FHOD3: variants seen among roughly 807,000 people sequenced by gnomAD.
FHOD3 encodes the protein formin homology 2 domain containing 3.
FHOD3 carries 90 observed loss-of-function variants against 173.0 expected under a neutral mutation model. That is an observed-to-expected ratio of 0.52 (90% CI 0.44 to 0.62). The LOEUF (loss-of-function observed/expected upper bound fraction) is 0.62. FHOD3 is among the 20% of genes least tolerant of loss of function. FHOD3 has a pLI of 0.00. For missense variants in FHOD3, 1,945 were observed against 2,034.7 expected (o/e 0.96, Z 0.85); for synonymous variants, 828 against 823.0 (o/e 1.01, Z -0.10).
At chr18:36,362,220 G>A (rs1024759142) in intron 2 of FHOD3, among the ~76,000 whole-genome samples, 27 of 152,290 alleles carry the variant, frequency 1.8e-4, no homozygotes, top group Admixed American at 5.9e-4. Context: ...GGGGGGACAA[G>A]CAGGGAGTGG....
intron 3 of FHOD3, among the ~76,000 whole-genome samples, chr18:36,476,561 G>T (rs547153316): frequency 6.6e-6 from 1 of 152,136 alleles, no homozygotes; most frequent in Non-Finnish European, 1.5e-5. Flanking sequence ...GTCAGGAAAG[G>T]GCCGTAGGAT....
At chr18:36,747,229 TTTTTTGTACATTC>T in intron 24 of FHOD3, 94 bp downstream of exon 24, 2 of 988,500 alleles carry the variant, frequency 2.0e-6, no homozygotes, top group Non-Finnish European at 2.9e-6. Context: ...AATTTACAGA[TTTTTTGTACATTC>T]TTGGTACATA....
In FHOD3 at chr18:36,680,653, T is replaced by C. The variant is rs1293564121; in HGVS notation, c.1836-783T>C. ...CTCTCCAAGGCTTTCACACACATTTTCAGTGAACAGTCCAGACTCTTGTGT... is the reference window on the plus strand; with the variant it reads ...CTCTCCAAGGCTTTCACACACATTTCCAGTGAACAGTCCAGACTCTTGTGT... On this transcript the variant is annotated intron_variant, in intron 14 of 28. Coordinates refer to ENST00000590592, the MANE Select transcript of FHOD3 (RefSeq NM_001281740.3). Among the ~76,000 whole-genome samples, 7 of 152,380 alleles carry C rather than the reference T, an allele frequency of 4.6e-5. No individual in the cohort carries two copies. In the East Asian group the frequency reaches 1.3e-3, roughly 29 times the overall value.
At chr18:36,439,565 G>GTA (rs1555705342) in intron 3 of FHOD3, among the ~76,000 whole-genome samples, 25 of 112,204 alleles carry the variant, frequency 2.2e-4, no homozygotes, top group African/African-American at 7.4e-4. Flanking sequence ...GTGTGTGTGT[G>GTA]TGTATGTATG....
intron 5 of FHOD3, among the ~76,000 whole-genome samples, chr18:36,514,773 C>T (rs2055869745): frequency 6.6e-6 from 1 of 152,118 alleles, no homozygotes; most frequent in Non-Finnish European, 1.5e-5. Flanking sequence ...ACCTCCAAGC[C>T]CAGGCGAGGG....
Position 36,718,889 on chromosome 18 carries a change from A to G in FHOD3, c.3417+174A>G, listed in dbSNP as rs968725638. On this transcript the variant is annotated intron_variant, in intron 19 of 28. Transcript: ENST00000590592. The stretch of plus-strand genomic sequence containing the variant: ...CTGCCACATGCTAGGTGTAGGCTAC[A>G]TGAGTCAGAGACCCTTATTAGCTAA... 2.6e-5 allele frequency among the ~76,000 whole-genome samples: 4 copies of G among 152,224 alleles called. No individual in the cohort carries two copies. In the East Asian group the frequency reaches 5.8e-4, roughly 22 times the overall value.
intron 27 of FHOD3, among the ~76,000 whole-genome samples, chr18:36,763,273 C>G (rs922313424): frequency 2.1e-5 from 3 of 142,636 alleles, no homozygotes; most frequent in Non-Finnish European, 3.0e-5. Flanking sequence ...GCGTATTATA[C>G]ACGTTATATA....
In FHOD3 at chr18:36,482,852, CACACACAGAGAGAGAGAG is replaced by C. The variant is rs1325658705; in HGVS notation, c.338-19078_338-19061del. On this transcript the variant is annotated intron_variant, in intron 3 of 28. Coordinates refer to ENST00000590592, the MANE Select transcript of FHOD3 (RefSeq NM_001281740.3). ...ACACACACACACACACACACTCACA[CACACACAGAGAGAGAGAG>C]AGAGAGAGAGAGAGAGAGAGAGAGA... Among the ~76,000 whole-genome samples, 11 of 101,234 alleles carry C rather than the reference CACACACAGAGAGAGAGAG, an allele frequency of 1.1e-4. No individual in the cohort carries two copies. In the South Asian group the frequency reaches 1.4e-3, roughly 13 times the overall value. The allele number at this position is 101,234 out of a possible 152,430, so 66.4% of individuals were successfully genotyped here.
intron 18 of FHOD3, among the ~76,000 whole-genome samples, chr18:36,713,098 C>T (rs1018271315): frequency 3.3e-5 from 5 of 152,158 alleles, no homozygotes; most frequent in African/African-American, 1.2e-4. Context: ...CCTAACAGAC[C>T]TATCCTCAAA....
intron 3 of FHOD3, among the ~76,000 whole-genome samples, chr18:36,441,433 C>T (rs905836575): frequency 6.6e-5 from 10 of 152,092 alleles, no homozygotes; most frequent in African/African-American, 1.7e-4. Flanking sequence ...AGGATGAGGA[C>T]GAGGCTGAAG....
intron 3 of FHOD3, among the ~76,000 whole-genome samples, chr18:36,414,126 CACT>C (rs1051751486): frequency 6.6e-6 from 1 of 152,174 alleles, no homozygotes; most frequent in Non-Finnish European, 1.5e-5. Context: ...TTATTTGGCA[CACT>C]AGGCAGTTGC....
chr18:36,472,874 A>AAGGGG (rs2053362176), intron 3 of FHOD3, among the ~76,000 whole-genome samples: 1 of 152,158 alleles, frequency 6.6e-6, no homozygotes, highest in African/African-American at 2.4e-5. Flanking sequence ...GTGAACATTG[A>AAGGGG]AGGGGCATAA....
chr18:36,576,242 G>A (rs573617011), intron 5 of FHOD3, among the ~76,000 whole-genome samples: 1 of 152,276 alleles, frequency 6.6e-6, no homozygotes, highest in South Asian at 2.1e-4. Flanking sequence ...TCTTCCGGGA[G>A]CCTGGAATAG....
chr18:36,328,998 T>C (rs2044829561), intron 1 of FHOD3, among the ~76,000 whole-genome samples: 1 of 152,216 alleles, frequency 6.6e-6, no homozygotes, highest in Non-Finnish European at 1.5e-5. Flanking sequence ...ATAGATGGTC[T>C]TGGTCTTTAA....
intron 5 of FHOD3, among the ~76,000 whole-genome samples, chr18:36,547,013 C>G (rs771833645): frequency 6.6e-6 from 1 of 152,168 alleles, no homozygotes; most frequent in Admixed American, 6.5e-5. Flanking sequence ...TGCCTCACAG[C>G]GCTGACCCCG....
intron 1 of FHOD3, among the ~76,000 whole-genome samples, chr18:36,306,940 G>A (rs1460700753): frequency 6.6e-6 from 1 of 152,134 alleles, no homozygotes; most frequent in South Asian, 2.1e-4. Context: ...CGGCCTTGGA[G>A]TATAGCCTTT....
At chr18:36,761,836 C>A (rs2042894528) in intron 27 of FHOD3, among the ~76,000 whole-genome samples, 1 of 152,110 alleles carries the variant, frequency 6.6e-6, no homozygotes, top group Non-Finnish European at 1.5e-5. Context: ...ACCATATAAT[C>A]TTGTCCAAGC....
chr18:36,398,688 T>C (rs1417009891), intron 3 of FHOD3, among the ~76,000 whole-genome samples: 2 of 152,170 alleles, frequency 1.3e-5, no homozygotes, highest in Admixed American at 1.3e-4. Flanking sequence ...TTTAAGCGAG[T>C]GGTCAGTGTA....
At chr18:36,595,415 T>A (rs1212074940) in intron 7 of FHOD3, among the ~76,000 whole-genome samples, 1 of 152,202 alleles carries the variant, frequency 6.6e-6, no homozygotes, top group African/African-American at 2.4e-5. Context: ...CCAGTGCTTA[T>A]AGCATAAAGT....
Sources: allele counts gnomAD v4.1 joint callset (sites outside exome capture counted in the v4.1 genomes callset), GRCh38; gene constraint gnomAD v4.1.1; transcripts MANE v1.5; gene names NCBI Gene and HGNC (gene_info 2026-07-23, HGNC 2026-07-21).